The following SNX24 variants were observed in gnomAD, a reference collection of about 807,000 sequenced individuals.
SNX24 encodes the protein sorting nexin 24, also known as sorting nexin-24.
In SNX24, 22 loss-of-function variants were observed where a neutral mutation model predicts 28.7. The ratio of observed to expected loss-of-function variants is 0.77; its 90% confidence interval spans 0.55 to 1.10. The LOEUF (loss-of-function observed/expected upper bound fraction) is 1.10, where lower values mean the gene tolerates loss of function less well. Ranked by LOEUF, SNX24 falls within the 50% of genes least tolerant of loss-of-function variation. The pLI is 0.00. For synonymous variants in SNX24, 69 were observed against 71.5 expected, an observed-to-expected ratio of 0.96 and a Z score of 0.18; for missense variants, 221 against 201.1, an observed-to-expected ratio of 1.10 and a Z score of -0.60.
chr5:122,880,575 T>A (rs980963363), intron 1 of SNX24, among the ~76,000 whole-genome samples: 22 of 152,308 alleles, frequency 1.4e-4, no homozygotes, highest in African/African-American at 5.3e-4. Context: ...TTGTTGCCTA[T>A]AAAAGTGGAA....
intron 3 of SNX24, among the ~76,000 whole-genome samples, chr5:122,962,366 G>T (rs1454279106): frequency 3.3e-5 from 5 of 151,988 alleles, no homozygotes; most frequent in Non-Finnish European, 7.4e-5. Flanking sequence ...GCTTTCCATT[G>T]ATCTCAAAAT....
intron 1 of SNX24, among the ~76,000 whole-genome samples, chr5:122,908,054 A>T (rs1044813542): frequency 6.6e-6 from 1 of 152,228 alleles, no homozygotes; most frequent in Non-Finnish European, 1.5e-5. Context: ...GCACAAATAG[A>T]TTGTCCTCAT....
In SNX24 at chr5:122,935,098, G is replaced by T. The variant is rs1759125899; in HGVS notation, c.61-1636G>T. Among the ~76,000 whole-genome samples the T allele has an allele frequency of 2.0e-5, 3 of 152,318 alleles. No homozygotes were observed. The South Asian group carries it at 6.2e-4, about 32-fold the overall frequency. ...AGGTAATGTGCCAGTTAAGGTGGTG[G>T]TTTTGTGATAAAGCCTCAAACAATA... On this transcript the variant is annotated intron_variant, in intron 1 of 6. Coordinates refer to ENST00000261369, the MANE Select transcript of SNX24 (RefSeq NM_014035.4).
chr5:122,862,051 G>C (rs1755484848), intron 1 of SNX24, among the ~76,000 whole-genome samples: 1 of 152,186 alleles, frequency 6.6e-6, no homozygotes, highest in Non-Finnish European at 1.5e-5. Flanking sequence ...AGCTCACTCT[G>C]GAAGGCTGAG....
chr5:122,928,653 A>G (rs1758812662), intron 1 of SNX24, among the ~76,000 whole-genome samples: 1 of 151,896 alleles, frequency 6.6e-6, no homozygotes, highest in South Asian at 2.1e-4. Context: ...CAGGGATCCT[A>G]TTGCAGGAAC....
intron 1 of SNX24, among the ~76,000 whole-genome samples, chr5:122,910,723 G>GT: frequency 6.8e-6 from 1 of 147,634 alleles, no homozygotes; most frequent in East Asian, 2.0e-4. Context: ...GTGGTGTTTC[G>GT]TTTTTTGTCC....
intron 1 of SNX24, among the ~76,000 whole-genome samples, chr5:122,889,673 AT>A (rs1411011274): frequency 1.4e-5 from 2 of 146,806 alleles, no homozygotes; most frequent in Non-Finnish European, 3.0e-5. Context: ...GTATATATAT[AT>A]GTGTATATAT....
intron 1 of SNX24, among the ~76,000 whole-genome samples, chr5:122,925,353 G>C (rs75828200): frequency 0.013 from 1,970 of 149,094 alleles, 39 homozygotes; most frequent in African/African-American, 0.031. Context: ...TGAACCCCCT[G>C]GGCTCTAGCT....
intron 1 of SNX24, among the ~76,000 whole-genome samples, chr5:122,884,362 T>C (rs1489622489): frequency 6.6e-6 from 1 of 150,428 alleles, no homozygotes; most frequent in African/African-American, 2.4e-5. Context: ...AGCGATTCTC[T>C]TGCCTCAGAC....
intron 3 of SNX24, among the ~76,000 whole-genome samples, chr5:122,979,870 C>T (rs1220388199): frequency 6.6e-6 from 1 of 152,176 alleles, no homozygotes; most frequent in Non-Finnish European, 1.5e-5. Flanking sequence ...ATTCAGCGGT[C>T]CACCCGAATC....
intron 1 of SNX24, among the ~76,000 whole-genome samples, chr5:122,854,515 C>CAAAAAAAAAAAAA (rs55693230): frequency 5.8e-5 from 7 of 121,394 alleles, no homozygotes; most frequent in South Asian, 2.4e-4. Flanking sequence ...CTCAAAAAAA[C>CAAAAAAAAAAAAA]AAAAAAAAAA....
chr5:123,012,302 A>G (rs1215335727), downstream of SNX24, among the ~76,000 whole-genome samples: 2 of 152,242 alleles, frequency 1.3e-5, no homozygotes, highest in East Asian at 1.9e-4. Flanking sequence ...AAAGGTGGAA[A>G]CAACCCAAGT....
chr5:122,878,133 A>T (rs1756312853), intron 1 of SNX24, among the ~76,000 whole-genome samples: 1 of 152,116 alleles, frequency 6.6e-6, no homozygotes, highest in African/African-American at 2.4e-5. Context: ...ATAATGAGAG[A>T]ACCTCCTTTT....
At chr5:122,991,680 A>G (rs1761855262) in intron 3 of SNX24, among the ~76,000 whole-genome samples, 1 of 152,012 alleles carries the variant, frequency 6.6e-6, no homozygotes. Context: ...AGGCTGGTCC[A>G]GAACTCCTGC....
intron 1 of SNX24, among the ~76,000 whole-genome samples, chr5:122,849,816 A>C (rs1754813094): frequency 6.6e-6 from 1 of 152,166 alleles, no homozygotes; most frequent in Non-Finnish European, 1.5e-5. Context: ...CCACTGTTGT[A>C]TCCTAATACA....
rs1457682447 is a variant in SNX24, at chr5:123,002,010, CA to C, written c.442+9del. On this transcript the variant is annotated splice_region_variant and intron_variant, in intron 6 of 6. Coordinates refer to ENST00000261369, the MANE Select transcript of SNX24 (RefSeq NM_014035.4). Reference sequence around the variant, plus strand: ...TGTCTTGCCTGCAGCCAGCGGTAATCAAACCTGTCATCTGCTAACAGCTCTT... The same window carrying C: ...TGTCTTGCCTGCAGCCAGCGGTAATCAACCTGTCATCTGCTAACAGCTCTT... 6.2e-7 allele frequency: 1 copy of C among 1,610,824 alleles called. No homozygotes were observed. Among genetic ancestry groups the C allele is most frequent in the Admixed American group, 1.7e-5 (1 of 60,018 alleles).
intron 3 of SNX24, among the ~76,000 whole-genome samples, chr5:122,979,573 T>G (rs1468780961): frequency 6.6e-6 from 1 of 152,244 alleles, no homozygotes; most frequent in African/African-American, 2.4e-5. Context: ...TAGGGCCACT[T>G]TATGCCCTGG....
chr5:122,856,553 T>A, intron 1 of SNX24, among the ~76,000 whole-genome samples: 1 of 141,074 alleles, frequency 7.1e-6, no homozygotes, highest in East Asian at 2.1e-4. Context: ...TGAGGCAGAG[T>A]CATCCAGGCT....
intron 1 of SNX24, among the ~76,000 whole-genome samples, chr5:122,903,169 C>T (rs753411388): frequency 2.0e-5 from 3 of 152,002 alleles, no homozygotes; most frequent in African/African-American, 4.8e-5. Flanking sequence ...TGCAGTGGCA[C>T]GATCGTGGCT....
Sources: gnomAD v4.1 joint callset for allele counts (sites outside exome capture counted in the v4.1 genomes callset) on GRCh38, gnomAD v4.1.1 for gene constraint, MANE v1.5 for transcripts, NCBI Gene and HGNC (gene_info 2026-07-23, HGNC 2026-07-21) for gene names.